Variants in ZC3H4 observed in about 807,000 individuals in gnomAD.
ZC3H4 encodes zinc finger CCCH domain-containing protein 4.
In ZC3H4, 13 loss-of-function variants were observed where a neutral mutation model predicts 108.3. The observed-to-expected ratio is 0.12, with a 90% CI of 0.08 to 0.19. ZC3H4 has a LOEUF of 0.19. ZC3H4 is among the 10% of genes least tolerant of loss of function. ZC3H4 has a pLI of 1.00. For synonymous variants in ZC3H4, 917 were observed against 749.6 expected (o/e 1.22, Z -3.65); for missense variants, 1,734 against 1,838.8 (o/e 0.94, Z 1.04).
intron 9 of ZC3H4, among the ~76,000 whole-genome samples, chr19:47,084,062 C>T (rs562449806): frequency 6.6e-6 from 1 of 152,138 alleles, no homozygotes; most frequent in African/African-American, 2.4e-5. Flanking sequence ...ACATCAACCT[C>T]CATAATTACG....
In ZC3H4 at chr19:47,072,758, T is replaced by C. The variant is rs1381589182; in HGVS notation, c.1441-45A>G. The C allele has an allele frequency of 6.2e-7, 1 of 1,606,784 alleles. No individual in the cohort carries two copies. The highest frequency in any genetic ancestry group is 1.3e-5 in the African/African-American group (1 of 74,832). ...AAAGAAGGTGTGGACGGGGTCAGGATGGAAACGGACCTCTCCAGGTCTGAG... is the reference window on the plus strand; with the variant it reads ...AAAGAAGGTGTGGACGGGGTCAGGACGGAAACGGACCTCTCCAGGTCTGAG... On this transcript the variant is annotated intron_variant, in intron 11 of 14. Transcript: ENST00000253048. This position sits in a 1 kb window ranked among gnomAD's most constrained non-coding sequence, Gnocchi z 5.6.
At chr19:47,111,441 CG>C (rs2058037963) in intron 2 of ZC3H4, among the ~76,000 whole-genome samples, 1 of 152,188 alleles carries the variant, frequency 6.6e-6, no homozygotes, top group Admixed American at 6.5e-5. Flanking sequence ...TTTTCTCTCC[CG>C]GAAGAGACGG....
chr19:47,109,110 A>G (rs1555786330), intron 2 of ZC3H4, among the ~76,000 whole-genome samples: 1 of 151,982 alleles, frequency 6.6e-6, no homozygotes, highest in Non-Finnish European at 1.5e-5. Context: ...TTTTTGCAAC[A>G]TCCATTAATT....
intron 11 of ZC3H4, 88 bp downstream of exon 11, chr19:47,081,425 G>T: frequency 9.6e-7 from 1 of 1,045,492 alleles, no homozygotes; most frequent in Non-Finnish European, 1.5e-6. Flanking sequence ...CACTGCAGAG[G>T]CTGGACAGGC....
chr19:47,095,283 C>T (rs2057803456), intron 2 of ZC3H4, among the ~76,000 whole-genome samples: 1 of 152,204 alleles, frequency 6.6e-6, no homozygotes, highest in Admixed American at 6.5e-5. Flanking sequence ...TGAGAACCCT[C>T]CAAGTACTTT....
At chr19:47,106,599 C>T (rs531203841) in intron 2 of ZC3H4, among the ~76,000 whole-genome samples, 10 of 152,298 alleles carry the variant, frequency 6.6e-5, no homozygotes, top group Admixed American at 4.6e-4. Context: ...CATCTGCTTT[C>T]CAAGTGCATA....
chr19:47,066,710 C>T lies in ZC3H4; in HGVS notation c.3558G>A (p.Lys1186=), dbSNP rs1329085982. 6.2e-7 allele frequency: 1 copy of T among 1,608,906 alleles called. No individual in the cohort carries two copies. The highest frequency in any genetic ancestry group is 8.5e-7 in the Non-Finnish European group (1 of 1,178,726). Residue 1186 remains lysine (K), a synonymous_variant, in exon 15 of 15, where the codon AAG becomes AAA. Transcript: ENST00000253048. ...CAGACTTGCGGACGAACGGGGGCTC[C>T]TTAGCCTTGGAGGCCGAGCTCTTGC... ...GNGKSSASKA[K]EPPFVRKSAL...
intron 9 of ZC3H4, among the ~76,000 whole-genome samples, chr19:47,082,563 T>C (rs1312754080): frequency 6.6e-6 from 1 of 152,172 alleles, no homozygotes; most frequent in Non-Finnish European, 1.5e-5. Context: ...TCCTCCCACT[T>C]TGGCCTCCCA....
rs778539338 is a variant in ZC3H4 at position 47,066,634 on chromosome 19, T to A, written c.3634A>T (p.Thr1212Ser). The A allele has an allele frequency of 1.2e-6, 2 of 1,611,802 alleles. No individual in the cohort carries two copies. Among genetic ancestry groups the A allele is most frequent in the Admixed American group, 1.7e-5 (1 of 59,930 alleles). The change falls in exon 15 of 15, where the codon ACG becomes TCG. Residue 1212 changes from threonine (T) to serine (S), a missense_variant. Physicochemically the swap from Thr to Ser is moderately conservative, Grantham distance 58. Coordinates refer to ENST00000253048, the MANE Select transcript of ZC3H4 (RefSeq NM_015168.2). ...GKAGADGGTP[T>S]DRYNSYNRPR... Reference sequence around the variant, plus strand: ...CGGTTGTAGCTGTTGTATCTGTCCGTGGGGGTGCCCCCATCAGCACCGGCC... The same window carrying A: ...CGGTTGTAGCTGTTGTATCTGTCCGAGGGGGTGCCCCCATCAGCACCGGCC...
chr19:47,091,531 G>A (rs1348624498), intron 4 of ZC3H4, among the ~76,000 whole-genome samples: 3 of 151,672 alleles, frequency 2.0e-5, no homozygotes, highest in East Asian at 1.9e-4. Context: ...GCAAGATTGC[G>A]CCACTGCACT....
chr19:47,096,719 G>T (rs963660648), intron 2 of ZC3H4: 2 of 820,374 alleles, frequency 2.4e-6, no homozygotes, highest in Admixed American at 6.2e-5. Flanking sequence ...CTTAAGTCTA[G>T]AAGGGATAAA....
intron 8 of ZC3H4, 63 bp from the exon 9 acceptor site, chr19:47,084,518 G>T (rs1236267349): frequency 2.0e-6 from 3 of 1,531,562 alleles, no homozygotes; most frequent in African/African-American, 1.4e-5. Flanking sequence ...TGGGATCGGG[G>T]TTAATAAGAA....
intron 8 of ZC3H4, 145 bp from the exon 9 acceptor site, chr19:47,084,600 G>C: frequency 1.3e-6 from 1 of 768,472 alleles, no homozygotes; most frequent in Admixed American, 2.2e-5. Context: ...CATCTAACAC[G>C]GAGGCTGCGT....
rs1290446216 is a variant in ZC3H4, at chr19:47,085,430, G to GA, written c.871-17dup. The GA allele has an allele frequency of 6.5e-7, 1 of 1,545,822 alleles. No individual in the cohort carries two copies. Among genetic ancestry groups the GA allele is most frequent in the African/African-American group, 1.4e-5 (1 of 72,484 alleles). Reference sequence around the variant, plus strand: ...TCTCTCCATACTGGAATGCGCAGAGGAGAGGGCAGGAGAGCGTCAGGTAGG... The same window carrying GA: ...TCTCTCCATACTGGAATGCGCAGAGGAAGAGGGCAGGAGAGCGTCAGGTAGG... On this transcript the variant is annotated splice_polypyrimidine_tract_variant and intron_variant, in intron 6 of 14. Transcript: ENST00000253048.
chr19:47,068,523 C>G (rs942087048), intron 14 of ZC3H4, among the ~76,000 whole-genome samples: 2 of 152,236 alleles, frequency 1.3e-5, no homozygotes, highest in Admixed American at 6.5e-5. Context: ...CCAGTACAGC[C>G]TGGGCCATCA....
At chr19:47,078,553 C>A (rs1024169374) in intron 11 of ZC3H4, among the ~76,000 whole-genome samples, 1 of 151,504 alleles carries the variant, frequency 6.6e-6, no homozygotes, top group Non-Finnish European at 1.5e-5. Context: ...GAGGCCGGGG[C>A]GGGTGGATCA....
intron 10 of ZC3H4, 97 bp from the exon 11 acceptor site, chr19:47,081,719 T>C (rs1227789842): frequency 1.8e-6 from 2 of 1,104,144 alleles, no homozygotes; most frequent in African/African-American, 1.6e-5. Context: ...GTTTTGGAGA[T>C]AAGAAATCTG....
At chr19:47,077,178 A>G (rs919986952) in intron 11 of ZC3H4, among the ~76,000 whole-genome samples, 2 of 150,938 alleles carry the variant, frequency 1.3e-5, no homozygotes, top group African/African-American at 4.9e-5. Context: ...AAAACAACTC[A>G]CAGAACTATA....
At position 47,067,264 on chromosome 19, in the gene ZC3H4, G is replaced by C. The variant is rs2122652773; in HGVS notation, c.3004C>G (p.Leu1002Val). Residue 1002 changes from leucine (L) to valine (V), a missense_variant, in exon 15 of 15, where the codon CTG becomes GTG. Physicochemically the swap from Leu to Val is conservative, Grantham distance 32 (BLOSUM62 1). Transcript: ENST00000253048. This position sits in a 1 kb window ranked among gnomAD's most constrained non-coding sequence, Gnocchi z 6.4. ...GGGTCCAGGGTGGGCATGGATTGCAGGGCCGCGGGCACGGGGGGCACTGCG... is the reference window on the plus strand; with the variant it reads ...GGGTCCAGGGTGGGCATGGATTGCACGGCCGCGGGCACGGGGGGCACTGCG... ...QDAVPPVPAA[L>V]QSMPTLDPRL... 6.3e-7 allele frequency: 1 copy of C among 1,591,618 alleles called. No individual in the cohort carries two copies. Among genetic ancestry groups the C allele is most frequent in the East Asian group, 2.2e-5 (1 of 44,554 alleles).
Sources: gnomAD v4.1 joint callset for allele counts (sites outside exome capture counted in the v4.1 genomes callset) on GRCh38, gnomAD v4.1.1 for gene constraint, Gnocchi (gnomAD v3.1) non-coding constraint, MANE v1.5 for transcripts, NCBI Gene and HGNC (gene_info 2026-07-23, HGNC 2026-07-21) for gene names.